Variants in NUP155 observed in about 807,000 individuals in gnomAD.
The protein encoded by NUP155 is nucleoporin 155, also known as nuclear pore complex protein Nup155.
In NUP155, 71 loss-of-function variants were observed where a neutral mutation model predicts 180.4. That is an observed-to-expected ratio of 0.39 (90% CI 0.33 to 0.48). NUP155 has a LOEUF of 0.48. NUP155 is among the 20% of genes least tolerant of loss of function. The pLI, the probability that NUP155 is intolerant of heterozygous loss-of-function variation, is 0.91. For missense variants in NUP155, 1,553 were observed against 1,648.9 expected, an observed-to-expected ratio of 0.94 and a Z score of 1.01; for synonymous variants, 582 against 559.5, an observed-to-expected ratio of 1.04 and a Z score of -0.57.
chr5:37,364,119 C>T, intron 2 of NUP155, 128 bp downstream of exon 2: 1 of 1,106,452 alleles, frequency 9.0e-7, no homozygotes, highest in East Asian at 2.5e-5. Flanking sequence ...AACCCATATA[C>T]TTAAACGAAT....
At chr5:37,351,612 A>G (rs1249701802) in intron 5 of NUP155, among the ~76,000 whole-genome samples, 1 of 151,364 alleles carries the variant, frequency 6.6e-6, no homozygotes, top group Non-Finnish European at 1.5e-5. Context: ...ATGCCCAGCT[A>G]ATTTTTTTTT....
chr5:37,355,322 A>G (rs1475013016), intron 4 of NUP155, among the ~76,000 whole-genome samples: 1 of 151,984 alleles, frequency 6.6e-6, no homozygotes, highest in Non-Finnish European at 1.5e-5. Flanking sequence ...TAGCCTGGAC[A>G]ACATGGCCAA....
At chr5:37,329,143 A>G (rs184686845) in intron 16 of NUP155, 47 bp downstream of exon 16, 1 of 1,417,728 alleles carries the variant, frequency 7.1e-7, no homozygotes. Context: ...AAAGGTTCTA[A>G]GATTCAAACG....
chr5:37,295,803 C>A (rs1427327455), intron 32 of NUP155, among the ~76,000 whole-genome samples: 1 of 151,486 alleles, frequency 6.6e-6, no homozygotes, highest in Non-Finnish European at 1.5e-5. Context: ...AGGAGCCCCT[C>A]CGCCCAGCAG....
rs761954621 is a variant in NUP155 at position 37,337,830 on chromosome 5, C to A, written c.1335G>T (p.Met445Ile). 8 of 1,602,760 alleles carry A rather than the reference C, an allele frequency of 5.0e-6. No homozygotes were observed. In the South Asian group the frequency reaches 8.8e-5, roughly 18 times the overall value. Reference protein sequence around the residue: ...NHDTFPFQKPMMETQMTAGVD... With the variant: ...NHDTFPFQKPIMETQMTAGVD... ...CAGGATAACTTACCTGGGTTTCCAT[C>A]ATTGGCTTTTGGAAAGGAAAAGTAT... is the stretch of plus-strand genomic sequence containing the variant. The change falls in exon 12 of 35, where the codon ATG becomes ATT. Residue 445 changes from methionine (M) to isoleucine (I), a missense_variant. Coordinates refer to ENST00000231498, the MANE Select transcript of NUP155 (RefSeq NM_153485.3).
chr5:37,345,694 G>C (rs1470303408), intron 9 of NUP155, among the ~76,000 whole-genome samples: 1 of 151,858 alleles, frequency 6.6e-6, no homozygotes. Context: ...AACAAGGTCA[G>C]GAGTTCGTAA....
chr5:37,355,969 CTG>C (rs1051679434), intron 4 of NUP155, among the ~76,000 whole-genome samples: 5 of 151,814 alleles, frequency 3.3e-5, no homozygotes, highest in Non-Finnish European at 7.4e-5. Flanking sequence ...TGGCTCACGT[CTG>C]TAATCCCAAA....
intron 24 of NUP155, 106 bp downstream of exon 24, chr5:37,309,023 G>A (rs1743357014): frequency 8.5e-7 from 1 of 1,180,762 alleles, no homozygotes; most frequent in Admixed American, 1.8e-5. Flanking sequence ...GCTGAAAGAA[G>A]ATTTGCATCT....
Position 37,292,933 on chromosome 5 carries a change from T to G in NUP155, c.3983A>C (p.His1328Pro). ...KKPLHLLDCI[H>P]VLLIRYVENP... ...CTCAACATATCTTATCAATAATACA[T>G]GTATACAATCCAAAAGGTGCAGTGG... Residue 1328 changes from histidine to proline, a missense_variant, in exon 34 of 35, where the codon CAT becomes CCT. Physicochemically the swap from His to Pro is moderately conservative, Grantham distance 77. Transcript: ENST00000231498. 1 of 1,612,810 alleles carries G rather than the reference T, an allele frequency of 6.2e-7. No individual in the cohort carries two copies. The highest frequency in any genetic ancestry group is 1.3e-5 in the African/African-American group (1 of 75,024).
intron 12 of NUP155, among the ~76,000 whole-genome samples, chr5:37,335,787 T>C (rs1286693174): frequency 5.9e-5 from 9 of 151,910 alleles, no homozygotes; most frequent in African/African-American, 1.9e-4. Context: ...CTGTCTCTAC[T>C]AAAAATACAA....
At chr5:37,316,987 C>A (rs1162615037) in intron 21 of NUP155, among the ~76,000 whole-genome samples, 2 of 144,304 alleles carry the variant, frequency 1.4e-5, no homozygotes, top group Non-Finnish European at 3.0e-5. Context: ...CACGGTGAAA[C>A]CCTGTCTCTA....
At position 37,309,284 on chromosome 5, in the gene NUP155, C is replaced by T; in HGVS notation, c.2629-17G>A. The T allele has an allele frequency of 6.2e-7, 1 of 1,602,042 alleles. No homozygotes were observed. Among genetic ancestry groups the T allele is most frequent in the Non-Finnish European group, 8.5e-7 (1 of 1,172,728 alleles). On this transcript the variant is annotated splice_polypyrimidine_tract_variant and intron_variant, in intron 23 of 34. Transcript: ENST00000231498. ...CTCATTTGCCTAGAAGAGGAGATAA[C>T]AAGAACTTAAAAATATATAAAATCA...
chr5:37,341,024 C>T (rs1329561413), intron 11 of NUP155, 66 bp downstream of exon 11: 10 of 1,327,980 alleles, frequency 7.5e-6, no homozygotes, highest in African/African-American at 1.5e-5. Flanking sequence ...AAATACTTCA[C>T]AACACCATAT....
At chr5:37,348,122 G>A (rs1442330771) in intron 9 of NUP155, among the ~76,000 whole-genome samples, 3 of 152,012 alleles carry the variant, frequency 2.0e-5, no homozygotes, top group African/African-American at 4.8e-5. Flanking sequence ...CAACAAGAGC[G>A]AAACTCCATC....
At chr5:37,305,401 G>T (rs1743099083) in intron 25 of NUP155, among the ~76,000 whole-genome samples, 191 bp from the exon 26 acceptor site, 1 of 151,928 alleles carries the variant, frequency 6.6e-6, no homozygotes, top group Non-Finnish European at 1.5e-5. Context: ...AAAAAAATTG[G>T]CTGGGCACAG....
intron 12 of NUP155, among the ~76,000 whole-genome samples, chr5:37,337,366 A>G (rs1745398446): frequency 1.3e-5 from 2 of 152,166 alleles, no homozygotes; most frequent in African/African-American, 4.8e-5. Context: ...TTTATGTTTG[A>G]AAGTTTCCAT....
rs751158209 is a variant in NUP155, at chr5:37,328,412, C to G, written c.1822G>C (p.Val608Leu). The change falls in exon 17 of 35, where the codon GTT becomes CTT. Residue 608 changes from valine (V) to leucine (L), a missense_variant. Coordinates refer to ENST00000231498, the MANE Select transcript of NUP155 (RefSeq NM_153485.3). ...LGSPVYSSSP[V>L]PSGSPYPNPS... ...TTTGGATAGGGACTACCACTAGGAA[C>G]AGGAGAACCTAAAAAGGGAAAGAAG... 1 of 1,598,624 alleles carries G rather than the reference C, an allele frequency of 6.3e-7. No homozygotes were observed. The highest frequency in any genetic ancestry group is 8.6e-7 in the Non-Finnish European group (1 of 1,166,052).
intron 32 of NUP155, among the ~76,000 whole-genome samples, chr5:37,298,534 C>T (rs1342955906): frequency 6.6e-6 from 1 of 152,138 alleles, no homozygotes; most frequent in Non-Finnish European, 1.5e-5. Context: ...GAATCAATCA[C>T]AGATTACCTA....
chr5:37,361,962 C>T (rs1371306910), intron 3 of NUP155, among the ~76,000 whole-genome samples: 1 of 152,044 alleles, frequency 6.6e-6, no homozygotes, highest in East Asian at 1.9e-4. Context: ...CAAAGAACTC[C>T]CCTACCCCTC....
Sources: allele counts gnomAD v4.1 joint callset (sites outside exome capture counted in the v4.1 genomes callset), GRCh38; gene constraint gnomAD v4.1.1; transcripts MANE v1.5; gene names NCBI Gene and HGNC (gene_info 2026-07-23, HGNC 2026-07-21).